MBTPS1: variants seen among roughly 807,000 people sequenced by gnomAD.
MBTPS1 encodes membrane-bound transcription factor site-1 protease.
In MBTPS1, 94 loss-of-function variants were observed where a neutral mutation model predicts 127.8. That is an observed-to-expected ratio of 0.74 (90% CI 0.62 to 0.87). The LOEUF (loss-of-function observed/expected upper bound fraction) is 0.87. Among genes scored for constraint, MBTPS1 ranks in the 40% least tolerant of loss-of-function variants. The probability of loss-of-function intolerance (pLI) is 0.00; values close to 1 mark genes in which losing one functional copy is unlikely to be tolerated. For synonymous variants in MBTPS1, 632 were observed against 509.4 expected (o/e 1.24, Z -3.24); for missense variants, 1,636 against 1,353.2 (o/e 1.21, Z -3.28).
intron 2 of MBTPS1, among the ~76,000 whole-genome samples, chr16:84,099,598 A>G (rs1429645340): frequency 6.6e-6 from 1 of 152,074 alleles, no homozygotes; most frequent in East Asian, 1.9e-4. Context: ...AGCCTGGCCA[A>G]CATAGTGAAA....
rs752293026 is a variant in MBTPS1, at chr16:84,101,774, C to A, written c.10G>T (p.Val4Phe). 2 of 1,612,856 alleles carry A rather than the reference C, an allele frequency of 1.2e-6. No individual in the cohort carries two copies. Among genetic ancestry groups the A allele is most frequent in the East Asian group, 4.5e-5 (2 of 44,876 alleles). The change falls in exon 2 of 23, where the codon GTC (valine) becomes TTC (phenylalanine). Residue 4 changes from valine to phenylalanine, a missense_variant. Transcript: ENST00000343411. MKL[V>F]NIWLLLLVVL... ...ACGAGCAGAAGCAGCCAGATGTTGA[C>A]AAGCTTCATGGTCACAAGCGAATAT...
At chr16:84,110,475 A>G (rs2086382797) in intron 1 of MBTPS1, among the ~76,000 whole-genome samples, 1 of 152,282 alleles carries the variant, frequency 6.6e-6, no homozygotes, top group African/African-American at 2.4e-5. Flanking sequence ...GAATATTAAA[A>G]AAAAACAACC....
At chr16:84,091,611 G>T (rs2086108083) in intron 7 of MBTPS1, 121 bp downstream of exon 7, 2 of 688,790 alleles carry the variant, frequency 2.9e-6, no homozygotes, top group Non-Finnish European at 2.7e-6. Flanking sequence ...TTAGCCATCT[G>T]TTCTCACAAA....
intron 19 of MBTPS1, among the ~76,000 whole-genome samples, chr16:84,062,280 C>G (rs1405595772): frequency 6.6e-6 from 1 of 152,194 alleles, no homozygotes; most frequent in Non-Finnish European, 1.5e-5. Context: ...GCCACCACGC[C>G]TGGCTAATTT....
At chr16:84,070,822 G>A (rs532059727) in intron 12 of MBTPS1, 46 bp from the exon 13 acceptor site, 4 of 1,486,056 alleles carry the variant, frequency 2.7e-6, no homozygotes, top group Admixed American at 4.2e-5. Flanking sequence ...AAAAGCTCCA[G>A]GAGAAAACAC....
chr16:84,078,899 C>T (rs1265677515), intron 11 of MBTPS1, among the ~76,000 whole-genome samples: 1 of 152,216 alleles, frequency 6.6e-6, no homozygotes, highest in Non-Finnish European at 1.5e-5. Context: ...TGTGCGGAAG[C>T]CTGGTAGAAA....
At chr16:84,091,928 T>C (rs776337223) in intron 6 of MBTPS1, 80 bp from the exon 7 acceptor site, 8 of 828,260 alleles carry the variant, frequency 9.7e-6, no homozygotes, top group Middle Eastern at 2.8e-4. Context: ...TCTAAGGCTC[T>C]TTTAAAATTA....
rs770639944 is a variant in MBTPS1 at position 84,095,796 on chromosome 16, G to A, written c.431C>T (p.Thr144Ile). ...CCACCGGGTTTCATTGCAGGGTACT[G>A]TGGGGTCAGCTACAGGCAAGGGAGA... ...RSLKYAESDP[T>I]VPCNETRWSQ... Residue 144 changes from threonine to isoleucine, a missense_variant, in exon 4 of 23, where the codon ACA (threonine) becomes ATA (isoleucine). By Grantham distance (89) the Thr-to-Ile change is moderately conservative (BLOSUM62 -1). Transcript: ENST00000343411. 2 of 1,613,562 alleles carry A rather than the reference G, an allele frequency of 1.2e-6. No individual in the cohort carries two copies. Among genetic ancestry groups the A allele is most frequent in the African/African-American group, 1.3e-5 (1 of 75,046 alleles).
At chr16:84,088,721 C>T (rs568371796) in intron 8 of MBTPS1, among the ~76,000 whole-genome samples, 14 of 152,116 alleles carry the variant, frequency 9.2e-5, no homozygotes, top group African/African-American at 2.9e-4. Context: ...CAAAGGGGAC[C>T]GGAGGATGTG....
intron 9 of MBTPS1, among the ~76,000 whole-genome samples, chr16:84,085,567 A>AC (rs2086008621): frequency 2.1e-4 from 6 of 28,484 alleles, no homozygotes; most frequent in African/African-American, 5.3e-4. Flanking sequence ...TCAGCCCCGC[A>AC]CCCGCCCCCC....
At chr16:84,114,402 C>T (rs1295180099) in intron 1 of MBTPS1, among the ~76,000 whole-genome samples, 3 of 152,206 alleles carry the variant, frequency 2.0e-5, no homozygotes, top group Non-Finnish European at 4.4e-5. Flanking sequence ...AAACCTTGGT[C>T]TGTGGTGTCT....
At chr16:84,064,456 T>C (rs2085653625) in intron 18 of MBTPS1, among the ~76,000 whole-genome samples, 1 of 152,202 alleles carries the variant, frequency 6.6e-6, no homozygotes, top group South Asian at 2.1e-4. Context: ...TCTTATTTTG[T>C]ACCCAAAAGA....
chr16:84,100,342 C>T (rs1430398476), intron 2 of MBTPS1, among the ~76,000 whole-genome samples: 1 of 152,160 alleles, frequency 6.6e-6, no homozygotes, highest in Non-Finnish European at 1.5e-5. Context: ...GTCAAGAGTG[C>T]AAGACCAGCC....
At chr16:84,075,965 G>T (rs16962728) in intron 11 of MBTPS1, among the ~76,000 whole-genome samples, 1 of 152,200 alleles carries the variant, frequency 6.6e-6, no homozygotes, top group Admixed American at 6.5e-5. Context: ...AAATGTGTTT[G>T]TAAACTTTGC....
At chr16:84,066,679 T>C (rs1009683743) in intron 16 of MBTPS1, 66 bp from the exon 17 acceptor site, 58 of 1,480,124 alleles carry the variant, frequency 3.9e-5, no homozygotes, top group Middle Eastern at 1.8e-4. Context: ...AGTTATTTAG[T>C]CTCTGTGACA....
At chr16:84,109,385 G>GAT (rs1336840119) in intron 1 of MBTPS1, 2 of 152,246 alleles carry the variant, frequency 1.3e-5, no homozygotes, top group Admixed American at 6.5e-5. Context: ...AAAAGAATGA[G>GAT]ATATTTACAT....
chr16:84,084,930 G>T (rs1040238379), intron 10 of MBTPS1, 53 bp downstream of exon 10: 3 of 1,576,992 alleles, frequency 1.9e-6, no homozygotes, highest in South Asian at 1.2e-5. Flanking sequence ...TGCTGGCACC[G>T]AGTGCTCCTG....
chr16:84,055,754 C>T (rs1008771884), intron 22 of MBTPS1, among the ~76,000 whole-genome samples: 5 of 152,190 alleles, frequency 3.3e-5, no homozygotes, highest in African/African-American at 1.2e-4. Flanking sequence ...ATCACCCAGC[C>T]GTTGTAAAAT....
chr16:84,071,382 T>C (rs1462841740), intron 12 of MBTPS1, among the ~76,000 whole-genome samples: 2 of 152,196 alleles, frequency 1.3e-5, no homozygotes, highest in Non-Finnish European at 2.9e-5. Flanking sequence ...GAATCTAAAT[T>C]ACTCATTTCC....
Sources: gnomAD v4.1 joint callset for allele counts (sites outside exome capture counted in the v4.1 genomes callset) on GRCh38, gnomAD v4.1.1 for gene constraint, MANE v1.5 for transcripts, NCBI Gene and HGNC (gene_info 2026-07-23, HGNC 2026-07-21) for gene names.